The following RYR3 variants were observed in gnomAD, a reference collection of about 807,000 sequenced individuals.
RYR3 encodes brain ryanodine receptor-calcium release channel.
In RYR3, 207 loss-of-function variants were observed where a neutral mutation model predicts 584.3. That is an observed-to-expected ratio of 0.35 (90% confidence interval 0.32 to 0.40). The LOEUF is 0.40. RYR3 is among the 10% of genes least tolerant of loss of function. The pLI is 1.00. For missense variants in RYR3, 5,616 were observed against 6,089.2 expected, an observed-to-expected ratio of 0.92 and a Z score of 2.59; for synonymous variants, 2,416 against 2,248.5, an observed-to-expected ratio of 1.07 and a Z score of -2.11.
rs149137875 is a variant in RYR3, at chr15:33,766,787, C to G, written c.8706-1871C>G. On this transcript the variant is annotated intron_variant, in intron 60 of 103. Transcript: ENST00000634891. ...CCTTGCGCCACCTTTTCTGCATCTG[C>G]AGCCCTTTGCCCGTGGGTCTCAGAC... 1.2e-3 allele frequency among the ~76,000 whole-genome samples: 182 copies of G among 152,362 alleles called. 1 individual carries two copies. Among genetic ancestry groups the G allele is most frequent in the African/African-American group, 4.2e-3 (175 of 41,590 alleles).
chr15:33,384,839 GC>G (rs1026286013), intron 1 of RYR3, among the ~76,000 whole-genome samples: 7 of 151,858 alleles, frequency 4.6e-5, no homozygotes, highest in African/African-American at 1.7e-4. Flanking sequence ...TCCTTAACAT[GC>G]CCCCCACCTG....
intron 1 of RYR3, among the ~76,000 whole-genome samples, chr15:33,381,969 G>A (rs2041220628): frequency 6.6e-6 from 1 of 152,144 alleles, no homozygotes; most frequent in East Asian, 1.9e-4. Flanking sequence ...TATTTCCAGA[G>A]CCCATATAGC....
At chr15:33,578,774 A>AAAAC (rs1555536814) in intron 12 of RYR3, among the ~76,000 whole-genome samples, 70,962 of 140,010 alleles carry the variant, frequency 0.51, 17,477 homozygotes, top group Admixed American at 0.61. Flanking sequence ...ATAAAAAAAA[A>AAAAC]AAAACAACAA....
intron 37 of RYR3, 37 bp from the exon 38 acceptor site, chr15:33,670,382 C>G (rs2063772256): frequency 6.2e-7 from 1 of 1,608,206 alleles, no homozygotes; most frequent in Non-Finnish European, 8.5e-7. Flanking sequence ...GTTTCATGCA[C>G]TGCTTTGGAT....
In RYR3 at chr15:33,844,853, T is replaced by C. The variant is rs2078614334; in HGVS notation, c.13297-9T>C. 6.2e-7 allele frequency: 1 copy of C among 1,612,426 alleles called. No individual in the cohort carries two copies. ...GATGTTTAATAAGCGAGTGTGTATTTTGAGCCAGGTCACTGAAGAACCTTT... is the reference window on the plus strand; with the variant it reads ...GATGTTTAATAAGCGAGTGTGTATTCTGAGCCAGGTCACTGAAGAACCTTT... On this transcript the variant is annotated splice_polypyrimidine_tract_variant and intron_variant, in intron 92 of 103. Transcript: ENST00000634891.
intron 10 of RYR3, among the ~76,000 whole-genome samples, chr15:33,554,503 A>G (rs2056934834): frequency 6.6e-6 from 1 of 152,000 alleles, no homozygotes. Context: ...TCACTATGTT[A>G]GCCAGGACGG....
At chr15:33,382,519 C>T (rs2041274402) in intron 1 of RYR3, among the ~76,000 whole-genome samples, 1 of 151,914 alleles carries the variant, frequency 6.6e-6, no homozygotes, top group South Asian at 2.1e-4. Flanking sequence ...GACAGGGTTT[C>T]ACCATATTAG....
Position 33,721,478 on chromosome 15 carries a change from A to G in RYR3, c.6620-1237A>G, listed in dbSNP as rs554080480. On this transcript the variant is annotated intron_variant, in intron 43 of 103. Transcript: ENST00000634891. Reference sequence around the variant, plus strand: ...AATTTTTTGCACGAGAATAAATAATACAACAGCTTATCACATTGTAACCTC... The same window carrying G: ...AATTTTTTGCACGAGAATAAATAATGCAACAGCTTATCACATTGTAACCTC... Among the ~76,000 whole-genome samples the G allele has an allele frequency of 2.0e-5, 3 of 152,330 alleles. No individual in the cohort carries two copies. The East Asian group carries it at 5.8e-4, about 29-fold the overall frequency.
chr15:33,743,795 A>G (rs1408303650), intron 52 of RYR3, among the ~76,000 whole-genome samples: 1 of 152,216 alleles, frequency 6.6e-6, no homozygotes, highest in Non-Finnish European at 1.5e-5. Context: ...CCTCAAGTGC[A>G]TTTGCCCAGT....
At chr15:33,655,241 A>G (rs1314483270) in intron 32 of RYR3, among the ~76,000 whole-genome samples, 1 of 152,182 alleles carries the variant, frequency 6.6e-6, no homozygotes, top group African/African-American at 2.4e-5. Flanking sequence ...TCATGATTCT[A>G]TCTCCTCCAC....
intron 3 of RYR3, among the ~76,000 whole-genome samples, chr15:33,526,815 C>A (rs923879931): frequency 2.6e-5 from 4 of 152,086 alleles, no homozygotes; most frequent in African/African-American, 9.7e-5. Flanking sequence ...AGAATAAATT[C>A]ATATTAAAAA....
intron 1 of RYR3, among the ~76,000 whole-genome samples, chr15:33,379,666 C>CCTCTCTCTCTCTCTCTCTCTCTCTCT (rs72425368): frequency 7.7e-5 from 10 of 129,346 alleles, no homozygotes; most frequent in Non-Finnish European, 1.1e-4. Flanking sequence ...TGTGTGTGTC[C>CCTCTCTCTCTCTCTCTCTCTCTCTCT]CTCTCTCTCT....
chr15:33,814,155 G>A (rs1045032839), intron 74 of RYR3, among the ~76,000 whole-genome samples: 10 of 152,216 alleles, frequency 6.6e-5, no homozygotes, highest in Non-Finnish European at 1.3e-4. Flanking sequence ...TGAAGCTTTT[G>A]CTGAAAAGTC....
intron 5 of RYR3, among the ~76,000 whole-genome samples, chr15:33,537,773 G>A (rs1174243790): frequency 3.3e-5 from 5 of 152,158 alleles, no homozygotes; most frequent in Admixed American, 6.5e-5. Context: ...AATCTCTACT[G>A]TGTTAGGGAC....
chr15:33,379,875 G>C (rs911386153), intron 1 of RYR3, among the ~76,000 whole-genome samples: 3 of 151,964 alleles, frequency 2.0e-5, no homozygotes, highest in African/African-American at 7.3e-5. Flanking sequence ...GAAGGCCCCA[G>C]AGCCCCTGGC....
At chr15:33,818,472 C>G (rs985585527) in intron 75 of RYR3, 106 bp from the exon 76 acceptor site, 2 of 755,218 alleles carry the variant, frequency 2.6e-6, no homozygotes, top group Admixed American at 4.6e-5. Flanking sequence ...GTGCTTTAGT[C>G]TGATGCACTC....
chr15:33,437,115 AGAGTGTGTGTGTGTGT>A (rs1567234407), intron 1 of RYR3, among the ~76,000 whole-genome samples: 2 of 111,920 alleles, frequency 1.8e-5, no homozygotes, highest in African/African-American at 8.7e-5. Context: ...AGAGAGAGAT[AGAGTGTGTGTGTGTGT>A]GTGTGTGTGT....
chr15:33,329,651 A>G (rs962581664), intron 1 of RYR3, among the ~76,000 whole-genome samples: 2 of 152,202 alleles, frequency 1.3e-5, no homozygotes, highest in African/African-American at 4.8e-5. Context: ...CTTACTCACC[A>G]GTTCTCAATG....
intron 102 of RYR3, among the ~76,000 whole-genome samples, chr15:33,863,333 C>G (rs1320663815): frequency 6.6e-6 from 1 of 152,152 alleles, no homozygotes; most frequent in Non-Finnish European, 1.5e-5. Context: ...AGGCAGTGAA[C>G]ATACTTAGAG....
Sources: allele counts gnomAD v4.1 joint callset (sites outside exome capture counted in the v4.1 genomes callset), GRCh38; gene constraint gnomAD v4.1.1; transcripts MANE v1.5; gene names NCBI Gene and HGNC (gene_info 2026-07-23, HGNC 2026-07-21).